SMG6: variants seen among roughly 807,000 people sequenced by gnomAD.
SMG6 encodes the protein SMG6 nonsense mediated mRNA decay factor, also known as telomerase-binding protein EST1A.
SMG6 carries 66 observed loss-of-function variants against 142.2 expected under a neutral mutation model. The ratio of observed to expected loss-of-function variants is 0.46; its 90% confidence interval spans 0.38 to 0.57. The LOEUF (loss-of-function observed/expected upper bound fraction) is 0.57. Among genes scored for constraint, SMG6 ranks in the 20% least tolerant of loss-of-function variants. The probability of loss-of-function intolerance (pLI) is 0.00; values close to 1 mark genes in which losing one functional copy is unlikely to be tolerated. For synonymous variants in SMG6, 779 were observed against 702.4 expected (o/e 1.11, Z -1.72); for missense variants, 1,793 against 1,832.0 (o/e 0.98, Z 0.39).
At chr17:2,221,307 T>C (rs2073163170) in intron 10 of SMG6, among the ~76,000 whole-genome samples, 1 of 152,150 alleles carries the variant, frequency 6.6e-6, no homozygotes, top group Non-Finnish European at 1.5e-5. Flanking sequence ...GATGGAGCTC[T>C]CGGGACATCT....
At chr17:2,295,140 A>C (rs1287620009) in intron 4 of SMG6, among the ~76,000 whole-genome samples, 2 of 152,162 alleles carry the variant, frequency 1.3e-5, no homozygotes, top group Admixed American at 1.3e-4. Context: ...GGCCTCCCAA[A>C]GGGCTGGGAT....
intron 13 of SMG6, among the ~76,000 whole-genome samples, chr17:2,167,312 G>T (rs1014431228): frequency 6.6e-6 from 1 of 152,060 alleles, no homozygotes. Flanking sequence ...TGACAAACTT[G>T]AGAAACCTTC....
At chr17:2,147,297 G>A (rs1428266713) in intron 13 of SMG6, among the ~76,000 whole-genome samples, 1 of 152,156 alleles carries the variant, frequency 6.6e-6, no homozygotes, top group Non-Finnish European at 1.5e-5. Flanking sequence ...GGAGGCTGAG[G>A]CAGGAGAATC....
intron 13 of SMG6, among the ~76,000 whole-genome samples, chr17:2,112,757 T>C (rs1440151497): frequency 7.1e-6 from 1 of 140,896 alleles, no homozygotes; most frequent in Non-Finnish European, 1.6e-5. Context: ...GCTCCAAACT[T>C]TTTTTTTTTT....
At chr17:2,236,926 C>G (rs1383900136) in intron 9 of SMG6, 1 of 805,534 alleles carries the variant, frequency 1.2e-6, no homozygotes, top group Non-Finnish European at 1.6e-6. Context: ...TTCCTCACCC[C>G]TGGCAATAAC....
chr17:2,078,912 A>G (rs186820153), intron 15 of SMG6, among the ~76,000 whole-genome samples: 1 of 146,926 alleles, frequency 6.8e-6, no homozygotes, highest in Non-Finnish European at 1.5e-5. Flanking sequence ...AAGATAGGTC[A>G]TTGGTGATTG....
intron 13 of SMG6, among the ~76,000 whole-genome samples, chr17:2,138,839 G>T (rs890904012): frequency 6.6e-6 from 1 of 152,180 alleles, no homozygotes; most frequent in Non-Finnish European, 1.5e-5. Flanking sequence ...ATTAAGTGAA[G>T]ATAAATGTAT....
In SMG6 at chr17:2,088,363, T is replaced by C. The variant is rs1429583272; in HGVS notation, c.3358-2462A>G. ...GACATCCTGAGGCCACCTGCAGCAC[T>C]TCCTTACAGGGTCTGTGGGAATTGC... On this transcript the variant is annotated intron_variant, in intron 13 of 18. Transcript: ENST00000263073. 7.1e-6 allele frequency: 7 copies of C among 985,298 alleles called. No homozygotes were observed. The Admixed American group carries it at 4.3e-4, about 61-fold the overall frequency. 61.0% of individuals were successfully genotyped at this position (985,298 alleles called of 1,614,324 possible). A position where few individuals can be genotyped will look rare whatever the true frequency, so the allele number is the denominator to read the frequency against.
chr17:2,086,033 A>T, intron 13 of SMG6, 132 bp from the exon 14 acceptor site: 1 of 923,808 alleles, frequency 1.1e-6, no homozygotes, highest in South Asian at 1.4e-5. Context: ...AGAATGAATG[A>T]CGGGGTGCGG....
chr17:2,123,504 C>T (rs966907425), intron 13 of SMG6, among the ~76,000 whole-genome samples: 1 of 152,178 alleles, frequency 6.6e-6, no homozygotes, highest in African/African-American at 2.4e-5. Context: ...TCTGAAACCC[C>T]AATCCCTAAC....
chr17:2,125,005 G>A (rs982421503), intron 13 of SMG6, among the ~76,000 whole-genome samples: 1 of 152,140 alleles, frequency 6.6e-6, no homozygotes, highest in Non-Finnish European at 1.5e-5. Flanking sequence ...TCTCCATTTG[G>A]AGAAGGAATT....
intron 12 of SMG6, among the ~76,000 whole-genome samples, chr17:2,180,996 A>G (rs939884292): frequency 2.0e-5 from 3 of 152,174 alleles, no homozygotes; most frequent in Non-Finnish European, 4.4e-5. Context: ...AAACCCTTCA[A>G]AACGATGAGC....
chr17:2,257,915 A>C (rs2151327062), intron 8 of SMG6, among the ~76,000 whole-genome samples: 1 of 150,820 alleles, frequency 6.6e-6, no homozygotes, highest in South Asian at 2.1e-4. Flanking sequence ...AGGCTGAGGC[A>C]GGAGAATCAC....
intron 13 of SMG6, among the ~76,000 whole-genome samples, chr17:2,121,741 C>T (rs563555210): frequency 1.8e-4 from 27 of 151,866 alleles, no homozygotes; most frequent in Non-Finnish European, 3.2e-4. Flanking sequence ...GCAGCTCTCC[C>T]GAGTAGCTGG....
intron 15 of SMG6, among the ~76,000 whole-genome samples, chr17:2,070,303 C>T (rs2068065103): frequency 6.6e-6 from 1 of 152,192 alleles, no homozygotes. Context: ...GGCCAAGAAT[C>T]GAACTGATCT....
intron 13 of SMG6, among the ~76,000 whole-genome samples, chr17:2,121,611 G>C (rs1198395094): frequency 1.1e-4 from 7 of 63,510 alleles, no homozygotes; most frequent in Non-Finnish European, 1.8e-4. Context: ...GTGTGTGTGT[G>C]TGTGTGTGTG....
intron 13 of SMG6, among the ~76,000 whole-genome samples, chr17:2,094,019 T>A (rs1693129712): frequency 6.6e-6 from 1 of 152,132 alleles, no homozygotes; most frequent in Non-Finnish European, 1.5e-5. Context: ...TCCCTATTCT[T>A]CAGAAAGACT....
At chr17:2,292,237 AG>A (rs1456165091) in intron 6 of SMG6, among the ~76,000 whole-genome samples, 1 of 152,242 alleles carries the variant, frequency 6.6e-6, no homozygotes, top group African/African-American at 2.4e-5. Flanking sequence ...TTCAACAGAA[AG>A]GGAAGAGAAT....
At chr17:2,066,391 T>TGTGC (rs1428167045) in intron 16 of SMG6, among the ~76,000 whole-genome samples, 1 of 151,698 alleles carries the variant, frequency 6.6e-6, no homozygotes, top group Non-Finnish European at 1.5e-5. Context: ...TGTGTGTGTG[T>TGTGC]GCCTGTCTGC....
Sources: gnomAD v4.1 joint callset for allele counts (sites outside exome capture counted in the v4.1 genomes callset) on GRCh38, gnomAD v4.1.1 for gene constraint, MANE v1.5 for transcripts, NCBI Gene and HGNC (gene_info 2026-07-23, HGNC 2026-07-21) for gene names.